SYN3: variants seen among roughly 807,000 people sequenced by gnomAD.
SYN3 encodes synapsin III.
SYN3 carries 35 observed loss-of-function variants against 65.8 expected under a neutral mutation model. That is an observed-to-expected ratio of 0.53 (90% CI 0.41 to 0.70). The LOEUF is 0.70. Among genes scored for constraint, SYN3 ranks in the 30% least tolerant of loss-of-function variants. SYN3 has a pLI of 0.00. For synonymous variants in SYN3, 270 were observed against 292.9 expected (o/e 0.92, Z 0.80); for missense variants, 680 against 749.0 (o/e 0.91, Z 1.08).
rs143032579 is a variant in SYN3 at position 32,694,769 on chromosome 22, T to C, written c.712-98033A>G. Among the ~76,000 whole-genome samples, 108 of 152,286 alleles carry C rather than the reference T, an allele frequency of 7.1e-4. 1 individual carries two copies. The highest frequency in any genetic ancestry group is 2.5e-3 in the African/African-American group (105 of 41,570). On this transcript the variant is annotated intron_variant, in intron 6 of 13. Transcript: ENST00000358763. ...GATACTGAGAAATGACTATATATTT[T>C]TGGGGGGACTAGATTTCATTATCAA...
rs145881584 is a variant in SYN3 at position 32,909,403 on chromosome 22, G to T, written c.461+21987C>A. Among the ~76,000 whole-genome samples the T allele has an allele frequency of 2.4e-3, 361 of 152,230 alleles. 2 individuals are homozygous for T. The highest frequency in any genetic ancestry group is 8.1e-3 in the African/African-American group (338 of 41,536). On this transcript the variant is annotated intron_variant, in intron 4 of 13. Transcript: ENST00000358763. ...GTGCGCTAGTTTACTTCAGGGACAG[G>T]ATCTAGGCAAAGCTGCCCAGCACAC...
chr22:32,818,823 G>C lies in SYN3; in HGVS notation c.711+46092C>G, dbSNP rs183800909. ...GCAAGAGATTCGCAGGTAGGGCTCA[G>C]AGACCAGGAGGAATCCAGTCTGGGT... On this transcript the variant is annotated intron_variant, in intron 6 of 13. Transcript: ENST00000358763. 1.8e-4 allele frequency among the ~76,000 whole-genome samples: 28 copies of C among 152,340 alleles called. No individual in the cohort carries two copies. In the East Asian group the frequency reaches 5.2e-3, roughly 28 times the overall value.
intron 6 of SYN3, among the ~76,000 whole-genome samples, chr22:32,640,275 G>T (rs5998561): frequency 2.6e-5 from 4 of 152,196 alleles, no homozygotes; most frequent in African/African-American, 9.6e-5. Flanking sequence ...CTCTCTGCTA[G>T]ATTGTAAGCT....
intron 1 of SYN3, among the ~76,000 whole-genome samples, chr22:33,054,447 A>G (rs1293372192): frequency 6.6e-6 from 1 of 152,176 alleles, no homozygotes; most frequent in Non-Finnish European, 1.5e-5. Context: ...TTTTAAACTA[A>G]CAATGCGTGG....
At chr22:32,832,095 C>G (rs1227507219) in intron 6 of SYN3, among the ~76,000 whole-genome samples, 2 of 152,184 alleles carry the variant, frequency 1.3e-5, no homozygotes, top group Non-Finnish European at 2.9e-5. Flanking sequence ...GTACTTGTTT[C>G]TGTCCCCAGT....
intron 7 of SYN3, among the ~76,000 whole-genome samples, chr22:32,550,453 A>G (rs2058396755): frequency 1.3e-5 from 2 of 152,158 alleles, no homozygotes; most frequent in South Asian, 4.1e-4. Flanking sequence ...TAAGAAATAT[A>G]AAATTTTATT....
At chr22:32,713,724 G>A (rs1306691561) in intron 6 of SYN3, among the ~76,000 whole-genome samples, 1 of 151,844 alleles carries the variant, frequency 6.6e-6, no homozygotes, top group Non-Finnish European at 1.5e-5. Flanking sequence ...CCAGCTACTC[G>A]GGAGGCTGAG....
intron 6 of SYN3, among the ~76,000 whole-genome samples, chr22:32,673,862 T>C (rs1601888263): frequency 1.3e-5 from 2 of 152,112 alleles, no homozygotes; most frequent in East Asian, 3.9e-4. Flanking sequence ...TGCAGGACAG[T>C]GCTGAGGAGT....
intron 1 of SYN3, among the ~76,000 whole-genome samples, chr22:33,030,353 G>T (rs2053727108): frequency 6.6e-6 from 1 of 152,300 alleles, no homozygotes; most frequent in Middle Eastern, 3.4e-3. Flanking sequence ...TACAAAGGAA[G>T]GCACCGAAAT....
At chr22:32,807,406 T>TATAATATATATTTA (rs2046792977) in intron 6 of SYN3, among the ~76,000 whole-genome samples, 1 of 110,940 alleles carries the variant, frequency 9.0e-6, no homozygotes, top group Non-Finnish European at 1.8e-5. Context: ...TATATATATA[T>TATAATATATATTTA]TATATTTACA....
chr22:32,701,207 G>C (rs978268390), intron 6 of SYN3, among the ~76,000 whole-genome samples: 3 of 152,158 alleles, frequency 2.0e-5, no homozygotes, highest in South Asian at 2.1e-4. Flanking sequence ...TCACACTCTT[G>C]CTTAAAAAGC....
chr22:32,863,382 T>C (rs984357387), intron 6 of SYN3, among the ~76,000 whole-genome samples: 3 of 152,186 alleles, frequency 2.0e-5, no homozygotes, highest in Non-Finnish European at 4.4e-5. Context: ...TTCCTAAGAA[T>C]CCCAACCTGG....
At chr22:32,515,880 G>A (rs2057763348) in intron 13 of SYN3, among the ~76,000 whole-genome samples, 1 of 151,610 alleles carries the variant, frequency 6.6e-6, no homozygotes, top group Non-Finnish European at 1.5e-5. Flanking sequence ...CTCACTGCAA[G>A]CTCCGCCTCC....
intron 4 of SYN3, among the ~76,000 whole-genome samples, chr22:32,896,260 G>GTTCGAGAGCAC (rs201423323): frequency 1.3e-5 from 2 of 152,134 alleles, no homozygotes; most frequent in Admixed American, 1.3e-4. Context: ...TTCGAGAGCA[G>GTTCGAGAGCAC]CCTGGCCAAC....
intron 6 of SYN3, among the ~76,000 whole-genome samples, chr22:32,620,187 T>G (rs1215106220): frequency 6.6e-6 from 1 of 152,192 alleles, no homozygotes; most frequent in African/African-American, 2.4e-5. Flanking sequence ...TTGGAAAAAA[T>G]TTCAAACTTC....
At chr22:32,909,660 C>T (rs971510017) in intron 4 of SYN3, among the ~76,000 whole-genome samples, 10 of 135,162 alleles carry the variant, frequency 7.4e-5, no homozygotes, top group South Asian at 5.3e-4. Flanking sequence ...GAAATTTGGC[C>T]GGCTCAGTGC....
intron 6 of SYN3, among the ~76,000 whole-genome samples, chr22:32,740,198 G>T (rs970194450): frequency 9.2e-5 from 14 of 152,230 alleles, no homozygotes; most frequent in Admixed American, 5.2e-4. Flanking sequence ...GGTGTAATTA[G>T]CAGCCAATTT....
intron 7 of SYN3, among the ~76,000 whole-genome samples, chr22:32,564,031 TG>T (rs1230158595): frequency 2.6e-5 from 4 of 151,978 alleles, no homozygotes; most frequent in African/African-American, 9.7e-5. Context: ...CCCTAGCAAA[TG>T]GATGGGAGGG....
At chr22:32,979,187 CAA>C (rs35720827) in intron 3 of SYN3, among the ~76,000 whole-genome samples, 18 of 88,734 alleles carry the variant, frequency 2.0e-4, no homozygotes, top group African/African-American at 1.9e-4. Flanking sequence ...GACTCCATCT[CAA>C]AAAAAAAAAA....
Sources: allele counts gnomAD v4.1 joint callset (sites outside exome capture counted in the v4.1 genomes callset), GRCh38; gene constraint gnomAD v4.1.1; transcripts MANE v1.5; gene names NCBI Gene and HGNC (gene_info 2026-07-23, HGNC 2026-07-21).